TMOD1: variants seen among roughly 807,000 people sequenced by gnomAD.
The protein encoded by TMOD1 is tropomodulin 1.
TMOD1 carries 17 observed loss-of-function variants against 40.6 expected under a neutral mutation model. That is an observed-to-expected ratio of 0.42 (90% CI 0.29 to 0.63). TMOD1 has a LOEUF of 0.63. Among genes scored for constraint, TMOD1 ranks in the 20% least tolerant of loss-of-function variants. The pLI, the probability that TMOD1 is intolerant of heterozygous loss-of-function variation, is 0.22. For synonymous variants in TMOD1, 181 were observed against 175.0 expected (o/e 1.03, Z -0.27); for missense variants, 391 against 447.6 (o/e 0.87, Z 1.14).
Position 97,599,640 on chromosome 9 carries a change from A to T in TMOD1, c.1022A>T (p.Lys341Met). The T allele has an allele frequency of 6.2e-7, 1 of 1,614,140 alleles. No homozygotes were observed. Among genetic ancestry groups the T allele is most frequent in the Non-Finnish European group, 8.5e-7 (1 of 1,179,998 alleles). The change falls in exon 10 of 10, where the codon AAG becomes ATG. Residue 341 changes from lysine to methionine, a missense_variant. By Grantham distance (95) the Lys-to-Met change is moderately conservative (BLOSUM62 -1). Coordinates refer to ENST00000259365, the MANE Select transcript of TMOD1 (RefSeq NM_003275.4). ...TATCTCCATTCCTTTCCAGTGAGGA[A>T]GAGGAGGCTTGCGGACCTGACTGGG... ...AMMNNNDLVR[K>M]RRLADLTGPI...
chr9:97,573,377 A>G (rs993989169), intron 8 of TMOD1, among the ~76,000 whole-genome samples: 1 of 152,190 alleles, frequency 6.6e-6, no homozygotes, highest in East Asian at 1.9e-4. Flanking sequence ...GACAATGAGG[A>G]TGTGCTTAAT....
In TMOD1 at chr9:97,569,043, A is replaced by G; in HGVS notation, c.870+6A>G. On this transcript the variant is annotated splice_donor_region_variant and intron_variant, in intron 8 of 9. Coordinates refer to ENST00000259365, the MANE Select transcript of TMOD1 (RefSeq NM_003275.4). Reference sequence around the variant, plus strand: ...AAATGAAAATTGACAACCAGGTGAGATGGGCAACGGTCTCCTCAGGTCTGT... The same window carrying G: ...AAATGAAAATTGACAACCAGGTGAGGTGGGCAACGGTCTCCTCAGGTCTGT... 6.2e-7 allele frequency: 1 copy of G among 1,613,994 alleles called. No homozygotes were observed. Among genetic ancestry groups the G allele is most frequent in the Non-Finnish European group, 8.5e-7 (1 of 1,179,932 alleles).
chr9:97,562,530 C>T (rs1830656401), intron 4 of TMOD1, among the ~76,000 whole-genome samples: 1 of 152,198 alleles, frequency 6.6e-6, no homozygotes, highest in South Asian at 2.1e-4. Context: ...AGGCCAGGGG[C>T]AGAGCAGCCT....
At chr9:97,527,938 A>C (rs72751515) in intron 2 of TMOD1, among the ~76,000 whole-genome samples, 1 of 152,328 alleles carries the variant, frequency 6.6e-6, no homozygotes, top group Non-Finnish European at 1.5e-5. Context: ...CAAATAAGGC[A>C]GGTGATGACA....
chr9:97,586,333 G>A (rs982061672), intron 8 of TMOD1, among the ~76,000 whole-genome samples: 35 of 152,264 alleles, frequency 2.3e-4, no homozygotes, highest in African/African-American at 8.4e-4. Flanking sequence ...CAGGGGTCAG[G>A]GACCCACTTG....
chr9:97,586,317 G>A (rs957826405), intron 8 of TMOD1, among the ~76,000 whole-genome samples: 1 of 152,134 alleles, frequency 6.6e-6, no homozygotes, highest in Non-Finnish European at 1.5e-5. Flanking sequence ...TAGGCTGCCC[G>A]GGGGTCAGGG....
chr9:97,576,708 A>C (rs541511967), intron 8 of TMOD1, among the ~76,000 whole-genome samples: 1 of 150,374 alleles, frequency 6.7e-6, no homozygotes, highest in Non-Finnish European at 1.5e-5. Flanking sequence ...ATCTCGGCTC[A>C]CTGCAAGCTC....
At chr9:97,562,604 T>G (rs900469604) in intron 4 of TMOD1, 128 bp from the exon 5 acceptor site, 12 of 626,444 alleles carry the variant, frequency 1.9e-5, no homozygotes, top group African/African-American at 3.9e-5. Flanking sequence ...AAATAAAATT[T>G]TGAAGTTTTC....
chr9:97,552,581 T>C (rs1830471171), intron 3 of TMOD1, among the ~76,000 whole-genome samples: 1 of 152,236 alleles, frequency 6.6e-6, no homozygotes, highest in African/African-American at 2.4e-5. Context: ...TAAATATACA[T>C]ATGCAATTTC....
In TMOD1 at chr9:97,564,123, GAAC is replaced by G; in HGVS notation, c.577_579del (p.Asn193del). 1.2e-6 allele frequency: 2 copies of G among 1,613,496 alleles called. No individual in the cohort carries two copies. Among genetic ancestry groups the G allele is most frequent in the Admixed American group, 1.7e-5 (1 of 59,910 alleles). On this transcript the variant is annotated inframe_deletion, in exon 6 of 10. Coordinates refer to ENST00000259365, the MANE Select transcript of TMOD1 (RefSeq NM_003275.4). ...TAGAGGAAACGCTGGAACGGATAAA[GAAC>G]AACGACCCAAAACTTGAAGAAGTTA...
chr9:97,518,905 C>T (rs1829871495), intron 1 of TMOD1, among the ~76,000 whole-genome samples: 1 of 152,238 alleles, frequency 6.6e-6, no homozygotes, highest in Non-Finnish European at 1.5e-5. Context: ...GACAAATCCA[C>T]AAATATCTGG....
chr9:97,584,988 C>A (rs1453958641), intron 8 of TMOD1, among the ~76,000 whole-genome samples: 1 of 152,144 alleles, frequency 6.6e-6, no homozygotes, highest in Non-Finnish European at 1.5e-5. Flanking sequence ...TTAATTAGAG[C>A]ATTTAGTCCA....
At chr9:97,574,979 A>G (rs1830899622) in intron 8 of TMOD1, among the ~76,000 whole-genome samples, 2 of 152,170 alleles carry the variant, frequency 1.3e-5, no homozygotes, top group Admixed American at 1.3e-4. Context: ...AAATGGACCA[A>G]TCAGCAGGAT....
At chr9:97,559,475 A>C (rs972443041) in intron 4 of TMOD1, among the ~76,000 whole-genome samples, 1 of 151,798 alleles carries the variant, frequency 6.6e-6, no homozygotes, top group Non-Finnish European at 1.5e-5. Flanking sequence ...GTTTAAAAAA[A>C]AAAAAATCGG....
chr9:97,533,821 G>A (rs1830139236), intron 2 of TMOD1, among the ~76,000 whole-genome samples: 1 of 152,322 alleles, frequency 6.6e-6, no homozygotes, highest in East Asian at 1.9e-4. Context: ...AAGTAACAGA[G>A]ACTCAGAATA....
At chr9:97,564,889 C>T (rs889398521) in intron 6 of TMOD1, among the ~76,000 whole-genome samples, 2 of 152,134 alleles carry the variant, frequency 1.3e-5, no homozygotes, top group Non-Finnish European at 2.9e-5. Context: ...AAGCCAGCCC[C>T]CCATGCCCCT....
intron 3 of TMOD1, among the ~76,000 whole-genome samples, chr9:97,549,507 T>G (rs1374469604): frequency 6.6e-6 from 1 of 152,248 alleles, no homozygotes; most frequent in African/African-American, 2.4e-5. Context: ...TTTTAATACT[T>G]GAGTTCCTTT....
At chr9:97,514,969 A>C (rs1379754366) in intron 1 of TMOD1, among the ~76,000 whole-genome samples, 1 of 152,136 alleles carries the variant, frequency 6.6e-6, no homozygotes, top group Non-Finnish European at 1.5e-5. Flanking sequence ...TAAGAGAAAG[A>C]AATTGGCAGC....
chr9:97,578,555 C>T (rs1015411519), intron 8 of TMOD1, among the ~76,000 whole-genome samples: 1 of 152,112 alleles, frequency 6.6e-6, no homozygotes, highest in Non-Finnish European at 1.5e-5. Context: ...GAGAACTGGG[C>T]CTAGAGGAAC....
Sources: gnomAD v4.1 joint callset for allele counts (sites outside exome capture counted in the v4.1 genomes callset) on GRCh38, gnomAD v4.1.1 for gene constraint, MANE v1.5 for transcripts, NCBI Gene and HGNC (gene_info 2026-07-23, HGNC 2026-07-21) for gene names.